Variants in RALGPS2 observed in about 807,000 individuals in gnomAD.
RALGPS2 encodes the protein ras-specific guanine nucleotide-releasing factor RalGPS2.
A neutral mutation model predicts 86.8 loss-of-function variants in RALGPS2; 43 were observed. The observed-to-expected ratio is 0.50, with a 90% CI of 0.39 to 0.64. The LOEUF (loss-of-function observed/expected upper bound fraction) is 0.64, where lower values mean the gene tolerates loss of function less well. Ranked by LOEUF, RALGPS2 falls within the 30% of genes least tolerant of loss-of-function variation. The probability of loss-of-function intolerance (pLI) is 0.00; values close to 1 mark genes in which losing one functional copy is unlikely to be tolerated. For missense variants in RALGPS2, 536 were observed against 694.6 expected, an observed-to-expected ratio of 0.77 and a Z score of 2.57; for synonymous variants, 243 against 231.3, an observed-to-expected ratio of 1.05 and a Z score of -0.46.
At chr1:178,737,172 C>A (rs1219986791) in intron 1 of RALGPS2, among the ~76,000 whole-genome samples, 2 of 152,158 alleles carry the variant, frequency 1.3e-5, no homozygotes, top group Admixed American at 6.5e-5. Context: ...TAAGAGGCAT[C>A]TTAATTTCAG....
intron 8 of RALGPS2, among the ~76,000 whole-genome samples, chr1:178,874,234 G>A (rs774506226): frequency 1.3e-5 from 2 of 152,126 alleles, no homozygotes; most frequent in Non-Finnish European, 2.9e-5. Flanking sequence ...TGATGATGTC[G>A]TAGTTCTTTT....
chr1:178,853,061 G>A (rs1657290346), intron 8 of RALGPS2: 3 of 1,462,982 alleles, frequency 2.1e-6, no homozygotes, highest in Non-Finnish European at 2.7e-6. Context: ...GGCCATTTAA[G>A]TGGTAATGTG....
chr1:178,890,650 CT>C (rs1411482025), intron 14 of RALGPS2, among the ~76,000 whole-genome samples: 1 of 151,576 alleles, frequency 6.6e-6, no homozygotes, highest in African/African-American at 2.4e-5. Context: ...AAAATAGATC[CT>C]TATTTTTTAT....
intron 8 of RALGPS2, chr1:178,864,959 T>C (rs1658286302): frequency 6.9e-7 from 1 of 1,449,758 alleles, no homozygotes; most frequent in South Asian, 1.8e-5. Context: ...CTCACCTTCA[T>C]TGATGAAAGT....
chr1:178,888,996 G>C (rs924533201), intron 13 of RALGPS2, among the ~76,000 whole-genome samples: 1 of 152,040 alleles, frequency 6.6e-6, no homozygotes, highest in Non-Finnish European at 1.5e-5. Context: ...AAACTAAGCT[G>C]TTTTGGACTC....
chr1:178,780,767 A>C (rs1653353467), intron 2 of RALGPS2, among the ~76,000 whole-genome samples: 1 of 152,170 alleles, frequency 6.6e-6, no homozygotes, highest in Non-Finnish European at 1.5e-5. Flanking sequence ...TGCACACACA[A>C]AAAGTTTTGT....
chr1:178,840,905 A>G (rs1198266346), intron 8 of RALGPS2, among the ~76,000 whole-genome samples: 3 of 152,230 alleles, frequency 2.0e-5, no homozygotes, highest in Non-Finnish European at 4.4e-5. Context: ...TCTAGAAGAA[A>G]TGGATAAATT....
chr1:178,872,819 A>G (rs1658827610), intron 8 of RALGPS2, among the ~76,000 whole-genome samples: 1 of 152,244 alleles, frequency 6.6e-6, no homozygotes, highest in African/African-American at 2.4e-5. Flanking sequence ...ATTTAGGGAC[A>G]GATTATGGTT....
At position 178,853,739 on chromosome 1, in the gene RALGPS2, C is replaced by G. The variant is rs370215268; in HGVS notation, c.607+20189C>G. On this transcript the variant is annotated intron_variant, in intron 8 of 19. Transcript: ENST00000367635. ...TTCAGGTTTAATCATATAAATCCCA[C>G]TGACCGAATGCCCAGCTTCTTTTGC... is the stretch of plus-strand genomic sequence containing the variant. 2.2e-5 allele frequency: 36 copies of G among 1,605,534 alleles called. No homozygotes were observed. The highest frequency in any genetic ancestry group is 1.1e-4 in the African/African-American group (8 of 74,206).
At chr1:178,762,955 AG>A (rs1652325889) in intron 1 of RALGPS2, among the ~76,000 whole-genome samples, 2 of 152,116 alleles carry the variant, frequency 1.3e-5, no homozygotes, top group Admixed American at 6.6e-5. Flanking sequence ...TTATCATTCC[AG>A]GGTTTTTATA....
intron 5 of RALGPS2, 22 bp downstream of exon 5, chr1:178,808,150 CTG>C (rs1654824576): frequency 2.7e-6 from 4 of 1,495,032 alleles, no homozygotes; most frequent in African/African-American, 1.4e-5. Flanking sequence ...AATTTTGATA[CTG>C]TGTCTGAAAT....
intron 6 of RALGPS2, among the ~76,000 whole-genome samples, chr1:178,813,519 G>A: frequency 6.6e-6 from 1 of 152,078 alleles, no homozygotes; most frequent in East Asian, 1.9e-4. Context: ...TATACTGTTT[G>A]TTATAAAACT....
At chr1:178,892,955 A>G (rs1387047259) in intron 15 of RALGPS2, among the ~76,000 whole-genome samples, 3 of 152,114 alleles carry the variant, frequency 2.0e-5, no homozygotes, top group Non-Finnish European at 2.9e-5. Flanking sequence ...GATGGTGTCT[A>G]ATCTCCGTGC....
intron 8 of RALGPS2, among the ~76,000 whole-genome samples, chr1:178,848,644 G>A (rs1400526184): frequency 2.0e-5 from 3 of 152,104 alleles, no homozygotes; most frequent in Non-Finnish European, 4.4e-5. Context: ...TTTCATACCC[G>A]AAAACTTGGA....
intron 6 of RALGPS2, among the ~76,000 whole-genome samples, chr1:178,817,307 T>G (rs1289001865): frequency 7.3e-6 from 1 of 136,256 alleles, no homozygotes; most frequent in Non-Finnish European, 1.5e-5. Context: ...ATCACGCCAC[T>G]GCACTCCAGC....
intron 8 of RALGPS2, among the ~76,000 whole-genome samples, chr1:178,866,390 T>C (rs1658413376): frequency 6.6e-6 from 1 of 152,202 alleles, no homozygotes; most frequent in Non-Finnish European, 1.5e-5. Flanking sequence ...CAGATAGTTT[T>C]AGCATCACAT....
intron 7 of RALGPS2, among the ~76,000 whole-genome samples, chr1:178,831,442 T>G (rs982751387): frequency 1.3e-5 from 2 of 152,108 alleles, no homozygotes; most frequent in Non-Finnish European, 1.5e-5. Context: ...TCATCTAGGT[T>G]TTCCCCCAAA....
rs1390022084 is a variant in RALGPS2, at chr1:178,790,317, A to G, written c.213+4710A>G. On this transcript the variant is annotated intron_variant, in intron 4 of 19. Coordinates refer to ENST00000367635, the MANE Select transcript of RALGPS2 (RefSeq NM_152663.5). The stretch of plus-strand genomic sequence containing the variant: ...TGTATTAAATCTGGCCAGTATAAAA[A>G]GGCCTTTGTTATCTGGCAGAAAAAT... Among the ~76,000 whole-genome samples, 3 of 152,216 alleles carry G rather than the reference A, an allele frequency of 2.0e-5. No homozygotes were observed. The South Asian group carries it at 6.2e-4, about 32-fold the overall frequency.
At chr1:178,736,232 C>T (rs1247802835) in intron 1 of RALGPS2, among the ~76,000 whole-genome samples, 1 of 149,224 alleles carries the variant, frequency 6.7e-6, no homozygotes, top group Non-Finnish European at 1.5e-5. Context: ...GTGGTGATCT[C>T]GGCTCACTGC....
Sources: gnomAD v4.1 joint callset for allele counts (sites outside exome capture counted in the v4.1 genomes callset) on GRCh38, gnomAD v4.1.1 for gene constraint, MANE v1.5 for transcripts, NCBI Gene and HGNC (gene_info 2026-07-23, HGNC 2026-07-21) for gene names.